The following NCAPH variants were observed in gnomAD, a reference collection of about 807,000 sequenced individuals.
NCAPH encodes condensin complex subunit 2.
In NCAPH, 38 loss-of-function variants were observed where a neutral mutation model predicts 85.5. The observed-to-expected ratio is 0.44, with a 90% CI of 0.34 to 0.58. The LOEUF is 0.58. Among genes scored for constraint, NCAPH ranks in the 20% least tolerant of loss-of-function variants. NCAPH has a pLI of 0.01. For missense variants in NCAPH, 789 were observed against 916.6 expected, an observed-to-expected ratio of 0.86 and a Z score of 1.80; for synonymous variants, 301 against 335.1, an observed-to-expected ratio of 0.90 and a Z score of 1.11.
chr2:96,347,887 G>A (rs2064381951), intron 6 of NCAPH, among the ~76,000 whole-genome samples: 2 of 152,130 alleles, frequency 1.3e-5, no homozygotes, highest in South Asian at 4.1e-4. Flanking sequence ...GCAGGGAGGG[G>A]CCAGAGGAAG....
At position 96,373,304 on chromosome 2, in the gene NCAPH, G is replaced by T; in HGVS notation, c.2179G>T (p.Glu727Ter). The change falls in exon 18 of 18, where the codon GAA (glutamate) becomes TAA (stop). Residue 727 changes from glutamate (E) to a stop codon, truncating the protein, a stop_gained. Coordinates refer to ENST00000240423, the MANE Select transcript of NCAPH (RefSeq NM_015341.5). LOFTEE classifies it high-confidence loss of function. ...GGTCTTCCCTCAGAATCTAAAACTGGAAGGAACAGAGGACCTCTCTGATGT... is the reference window on the plus strand; with the variant it reads ...GGTCTTCCCTCAGAATCTAAAACTGTAAGGAACAGAGGACCTCTCTGATGT... The part of the protein sequence containing the change: ...HLANEKNLKL[E>*]GTEDLSDVLV... 1 of 1,613,868 alleles carries T rather than the reference G, an allele frequency of 6.2e-7. No individual in the cohort carries two copies. Among genetic ancestry groups the T allele is most frequent in the Non-Finnish European group, 8.5e-7 (1 of 1,179,886 alleles).
rs76237080 is a variant in NCAPH, at chr2:96,342,072, A to G, written c.295A>G (p.Ile99Val). The G allele has an allele frequency of 5.9e-4, 951 of 1,612,624 alleles. 2 individuals are homozygous for G. In the African/African-American group the frequency reaches 0.011, roughly 18 times the overall value. Residue 99 changes from isoleucine to valine, a missense_variant, in exon 3 of 18, where the codon ATC becomes GTC. Coordinates refer to ENST00000240423, the MANE Select transcript of NCAPH (RefSeq NM_015341.5). ...SSRSIDISAT[I>V]PKFTNTQITE... ...TAGGAGTATTGACATTTCAGCTACT[A>G]TCCCCAAGTTTACAAACACGCAGAT...
chr2:96,348,005 C>T (rs1258429956), intron 6 of NCAPH, among the ~76,000 whole-genome samples: 2 of 151,994 alleles, frequency 1.3e-5, no homozygotes, highest in African/African-American at 4.8e-5. Context: ...CAGCATTAAC[C>T]GTGGGTGATG....
Position 96,342,828 on chromosome 2 carries a change from A to T in NCAPH, c.436A>T (p.Thr146Ser), listed in dbSNP as rs780698615. The change falls in exon 4 of 18, where the codon ACC becomes TCC. Residue 146 changes from threonine to serine, a missense_variant. Transcript: ENST00000240423. ...GTCAGAGATTCTTAAACAGAAAGAC[A>T]CCGAACCAACCAACTTTAAAGTAAG... ...FMSEILKQKDTEPTNFKVAAG... is the reference protein window; with the variant it reads ...FMSEILKQKDSEPTNFKVAAG... 35 of 1,612,174 alleles carry T rather than the reference A, an allele frequency of 2.2e-5. 1 individual carries two copies. In the South Asian group the frequency reaches 3.6e-4, roughly 17 times the overall value.
chr2:96,367,447 ACC>A, intron 15 of NCAPH, 74 bp downstream of exon 15: 7 of 1,109,102 alleles, frequency 6.3e-6, no homozygotes, highest in Non-Finnish European at 9.4e-6. Context: ...AGCTGAAGAC[ACC>A]TCGATTTGGG....
At chr2:96,365,629 A>G (rs2064686404) in intron 13 of NCAPH, among the ~76,000 whole-genome samples, 1 of 152,192 alleles carries the variant, frequency 6.6e-6, no homozygotes, top group South Asian at 2.1e-4. Flanking sequence ...CATAGTGGCA[A>G]TTATGGTTAT....
At position 96,364,564 on chromosome 2, in the gene NCAPH, C is replaced by T; in HGVS notation, c.1671C>T (p.Asp557=). The T allele has an allele frequency of 6.2e-7, 1 of 1,613,144 alleles. No individual in the cohort carries two copies. The highest frequency in any genetic ancestry group is 8.5e-7 in the Non-Finnish European group (1 of 1,179,086). The change falls in exon 13 of 18, where the codon GAC becomes GAT. Residue 557 remains aspartate, a synonymous_variant. Coordinates refer to ENST00000240423, the MANE Select transcript of NCAPH (RefSeq NM_015341.5). The part of the protein sequence containing the change: ...IEDYDYNNPN[D]TSNFCPGLQA... ...ACTATGATTACAACAACCCTAACGA[C>T]ACCTCCAACTTTTGCCCTGGATTAC... is the stretch of plus-strand genomic sequence containing the variant.
At position 96,376,310 on chromosome 2, in the gene NCAPH, TGCAATTTGCAAGAGAGG is replaced by T. The variant is rs1197293256; in HGVS notation, c.*2976_*2992del. Among the ~76,000 whole-genome samples, 4 of 152,228 alleles carry T rather than the reference TGCAATTTGCAAGAGAGG, an allele frequency of 2.6e-5. No homozygotes were observed. The highest frequency in any genetic ancestry group is 1.3e-4 in the Admixed American group (2 of 15,264). On this transcript the variant is annotated 3_prime_UTR_variant, in exon 18 of 18. Transcript: ENST00000240423. ...TGCAATTTGCAAGAGAGGGGCAATT[TGCAATTTGCAAGAGAGG>T]GCAATTTGCAAGAGAGAATTGTGGG...
chr2:96,354,483 T>A lies in NCAPH; in HGVS notation c.1208+95T>A, dbSNP rs908550811. 18 of 1,012,962 alleles carry A rather than the reference T, an allele frequency of 1.8e-5. No homozygotes were observed. In the East Asian group the frequency reaches 5.5e-4, roughly 31 times the overall value. 62.7% of individuals were successfully genotyped at this position (1,012,962 alleles called of 1,614,324 possible). ...TTTCTAATTAAAAAATTTTTCTTTC[T>A]TTTTTTTTCCCCCCCCAAAAATAGA... On this transcript the variant is annotated intron_variant, in intron 9 of 17. Coordinates refer to ENST00000240423, the MANE Select transcript of NCAPH (RefSeq NM_015341.5).
intron 1 of NCAPH, among the ~76,000 whole-genome samples, chr2:96,339,484 C>G (rs2064261942): frequency 6.6e-6 from 1 of 151,020 alleles, no homozygotes; most frequent in African/African-American, 2.4e-5. Context: ...CCCAGCTACT[C>G]AGGAGGCTGA....
chr2:96,370,614 CT>C (rs1433252005), intron 17 of NCAPH, among the ~76,000 whole-genome samples: 2 of 152,208 alleles, frequency 1.3e-5, no homozygotes, highest in African/African-American at 2.4e-5. Context: ...CAATTTTTCT[CT>C]TGTCAATACC....
Position 96,373,892 on chromosome 2 carries a change from G to A in NCAPH, c.*541G>A, listed in dbSNP as rs1384874733. ...TATCAGACCTAGTCCTTACCCTTAG[G>A]GGGATGCAGTCCTGGTTGTTATCCA... On this transcript the variant is annotated 3_prime_UTR_variant, in exon 18 of 18. Coordinates refer to ENST00000240423, the MANE Select transcript of NCAPH (RefSeq NM_015341.5). 6.6e-6 allele frequency: 1 copy of A among 152,522 alleles called. No homozygotes were observed. The highest frequency in any genetic ancestry group is 1.5e-5 in the Non-Finnish European group (1 of 68,056). The allele number at this position is 152,522 out of a possible 1,614,324, so 9.4% of individuals were successfully genotyped here.
chr2:96,354,242 T>C lies in NCAPH; in HGVS notation c.1062T>C (p.Ala354=). 2 of 1,614,134 alleles carry C rather than the reference T, an allele frequency of 1.2e-6. No homozygotes were observed. The highest frequency in any genetic ancestry group is 1.1e-5 in the South Asian group (1 of 91,064). Residue 354 remains alanine (A), a synonymous_variant, in exon 9 of 18, where the codon GCT becomes GCC. Transcript: ENST00000240423. ...ATGACCAGGTATTTGACATCAATGC[T>C]GAAGTTGACGAGAGTGACTGTGGAG... ...KKNDQVFDIN[A]EVDESDCGDF... is the part of the protein sequence containing the mutation.
intron 1 of NCAPH, among the ~76,000 whole-genome samples, chr2:96,341,064 A>C (rs996898917): frequency 5.9e-5 from 9 of 152,218 alleles, no homozygotes; most frequent in African/African-American, 2.2e-4. Flanking sequence ...GTGAGGCTAC[A>C]TTTGACTGGT....
At chr2:96,338,241 G>GA (rs34560390) in intron 1 of NCAPH, among the ~76,000 whole-genome samples, 54,630 of 80,724 alleles carry the variant, frequency 0.68, 19,389 homozygotes, top group African/African-American at 0.8. Context: ...CTATTTTATT[G>GA]AAAAAAAAAA....
intron 6 of NCAPH, among the ~76,000 whole-genome samples, chr2:96,351,546 G>A (rs1385763929): frequency 1.3e-5 from 2 of 151,842 alleles, no homozygotes. Context: ...GTGCGTACCT[G>A]TAGTCCCACT....
chr2:96,342,752 T>G lies in NCAPH; in HGVS notation c.364-4T>G. The G allele has an allele frequency of 6.2e-7, 1 of 1,608,316 alleles. No homozygotes were observed. The highest frequency in any genetic ancestry group is 8.5e-7 in the Non-Finnish European group (1 of 1,175,806). On this transcript the variant is annotated splice_region_variant and splice_polypyrimidine_tract_variant and intron_variant, in intron 3 of 17. Transcript: ENST00000240423. ...CAATCCTTTCTGCAATTTTCTGTTT[T>G]CAGAAAATCACTACCAAGAATGCTT...
chr2:96,339,402 C>T (rs903321771), intron 1 of NCAPH, among the ~76,000 whole-genome samples: 2 of 151,898 alleles, frequency 1.3e-5, no homozygotes, highest in African/African-American at 4.8e-5. Flanking sequence ...ACCAGCCTGG[C>T]TAACACTGTG....
intron 1 of NCAPH, among the ~76,000 whole-genome samples, chr2:96,341,159 A>G (rs2064289286): frequency 6.6e-6 from 1 of 152,164 alleles, no homozygotes; most frequent in Non-Finnish European, 1.5e-5. Flanking sequence ...TCTTTGGAAC[A>G]TTCTATTTGT....
Sources: gnomAD v4.1 joint callset for allele counts (sites outside exome capture counted in the v4.1 genomes callset) on GRCh38, gnomAD v4.1.1 for gene constraint, MANE v1.5 for transcripts, NCBI Gene and HGNC (gene_info 2026-07-23, HGNC 2026-07-21) for gene names.